The following SHC4 variants were observed in gnomAD, a reference collection of about 807,000 sequenced individuals.
SHC4 encodes SHC adaptor protein 4.
Under a neutral mutation model 69.4 loss-of-function variants are expected in SHC4, and 41 were observed. The ratio of observed to expected loss-of-function variants is 0.59; its 90% CI spans 0.46 to 0.77. The LOEUF (loss-of-function observed/expected upper bound fraction) is 0.77. Ranked by LOEUF, SHC4 falls within the 30% of genes least tolerant of loss-of-function variation. The pLI is 0.00. For synonymous variants in SHC4, 318 were observed against 299.3 expected (o/e 1.06, Z -0.64); for missense variants, 777 against 783.8 (o/e 0.99, Z 0.10).
intron 2 of SHC4, among the ~76,000 whole-genome samples, chr15:48,913,370 A>G (rs1328898587): frequency 2.6e-5 from 4 of 152,010 alleles, no homozygotes; most frequent in African/African-American, 9.7e-5. Context: ...TTGTCAGGGA[A>G]GTCAGGGAAA....
chr15:48,890,424 A>T (rs1248813885), intron 3 of SHC4, among the ~76,000 whole-genome samples: 1 of 152,208 alleles, frequency 6.6e-6, no homozygotes, highest in African/African-American at 2.4e-5. Context: ...CCCTAACTCC[A>T]CAGGAAATAA....
rs149872319 is a variant in SHC4, at chr15:48,929,170, G to A, written c.586-4221C>T. On this transcript the variant is annotated intron_variant, in intron 1 of 11. Coordinates refer to ENST00000332408, the MANE Select transcript of SHC4 (RefSeq NM_203349.4). ...ACCGTGGTGAGGAAGCGGGGAGGGG[G>A]CGGTGCATAAAAATACTCTGTCCAC... Among the ~76,000 whole-genome samples the A allele has an allele frequency of 8.3e-3, 1,266 of 152,284 alleles. 11 individuals are homozygous for A. The highest frequency in any genetic ancestry group is 0.015 in the Non-Finnish European group (1,009 of 68,024).
chr15:48,951,030 C>G (rs1046999782), intron 1 of SHC4, among the ~76,000 whole-genome samples: 2 of 152,114 alleles, frequency 1.3e-5, no homozygotes, highest in Admixed American at 1.3e-4. Context: ...CATTCCCTTC[C>G]TCCCCTTTCC....
intron 3 of SHC4, among the ~76,000 whole-genome samples, chr15:48,886,704 A>G (rs1237046065): frequency 1.3e-5 from 2 of 152,224 alleles, no homozygotes; most frequent in African/African-American, 4.8e-5. Context: ...GTATATGGAA[A>G]TGCATAGTAT....
chr15:48,890,963 AATGCT>A, intron 2 of SHC4, 152 bp from the exon 3 acceptor site: 1 of 818,102 alleles, frequency 1.2e-6, no homozygotes, highest in Non-Finnish European at 2.0e-6. Context: ...CACAGGAGGA[AATGCT>A]GTACTTACTC....
intron 11 of SHC4, among the ~76,000 whole-genome samples, chr15:48,827,745 G>C (rs1023668391): frequency 6.6e-6 from 1 of 152,190 alleles, no homozygotes; most frequent in Admixed American, 6.5e-5. Context: ...ATAGGGAGGG[G>C]AGGTTACGCA....
intron 10 of SHC4, among the ~76,000 whole-genome samples, chr15:48,839,639 C>T (rs1369135135): frequency 6.6e-6 from 1 of 152,182 alleles, no homozygotes; most frequent in African/African-American, 2.4e-5. Context: ...GCATTCCTCC[C>T]TTTTGTGAAT....
At position 48,826,075 on chromosome 15, in the gene SHC4, G is replaced by C; in HGVS notation, c.1789C>G (p.His597Asp). The C allele has an allele frequency of 6.2e-7, 1 of 1,613,748 alleles. No individual in the cohort carries two copies. Among genetic ancestry groups the C allele is most frequent in the Admixed American group, 1.7e-5 (1 of 59,976 alleles). Residue 597 changes from histidine to aspartate, a missense_variant, in exon 12 of 12, where the codon CAT becomes GAT. Physicochemically the swap from His to Asp is moderately conservative, Grantham distance 81 (BLOSUM62 -1). Coordinates refer to ENST00000332408, the MANE Select transcript of SHC4 (RefSeq NM_203349.4). ...ATGATTGGCAAACTGTTATCCATATGGTATCTGATAAGGTGGCCGACATTA... is the reference window on the plus strand; with the variant it reads ...ATGATTGGCAAACTGTTATCCATATCGTATCTGATAAGGTGGCCGACATTA... ...FDNVGHLIRY[H>D]MDNSLPIISS... is the part of the protein sequence containing the mutation.
rs1271981331 is a variant in SHC4, at chr15:48,857,804, A to C, written c.958T>G (p.Leu320Val). 1 of 1,548,010 alleles carries C rather than the reference A, an allele frequency of 6.5e-7. No homozygotes were observed. Reference sequence around the variant, plus strand: ...TGGGCCATTCCATTGTGGCATTCCAATATGTGACAGGCTGCAAGAGGACAT... The same window carrying C: ...TGGGCCATTCCATTGTGGCATTCCACTATGTGACAGGCTGCAAGAGGACAT... ...DPVNQRACHILECHNGMAQDV... is the reference protein window; with the variant it reads ...DPVNQRACHIVECHNGMAQDV... The change falls in exon 7 of 12, where the codon TTG becomes GTG. Residue 320 changes from leucine (L) to valine (V), a missense_variant. By Grantham distance (32) the Leu-to-Val change is conservative. Coordinates refer to ENST00000332408, the MANE Select transcript of SHC4 (RefSeq NM_203349.4).
At chr15:48,871,539 A>G (rs1191876714) in intron 5 of SHC4, among the ~76,000 whole-genome samples, 1 of 152,162 alleles carries the variant, frequency 6.6e-6, no homozygotes, top group Non-Finnish European at 1.5e-5. Flanking sequence ...ATCCTGTACA[A>G]TTTCTGGGAA....
chr15:48,860,894 T>G (rs978343842), intron 6 of SHC4, among the ~76,000 whole-genome samples: 1 of 152,218 alleles, frequency 6.6e-6, no homozygotes, highest in African/African-American at 2.4e-5. Flanking sequence ...AACCCTATTC[T>G]TCCTCTGTCA....
At chr15:48,909,341 C>T (rs1900466632) in intron 2 of SHC4, among the ~76,000 whole-genome samples, 1 of 149,250 alleles carries the variant, frequency 6.7e-6, no homozygotes, top group Non-Finnish European at 1.5e-5. Flanking sequence ...ATTTAATTCT[C>T]TGCTTGGTCA....
intron 1 of SHC4, among the ~76,000 whole-genome samples, chr15:48,937,534 A>G (rs965369498): frequency 6.6e-6 from 1 of 152,184 alleles, no homozygotes; most frequent in African/African-American, 2.4e-5. Flanking sequence ...GGGGAGACTC[A>G]TGCCTTGCAT....
At chr15:48,899,691 C>T (rs1206366498) in intron 2 of SHC4, among the ~76,000 whole-genome samples, 3 of 151,700 alleles carry the variant, frequency 2.0e-5, no homozygotes, top group Admixed American at 1.3e-4. Context: ...CTGGAAGGAA[C>T]GAACAACTGG....
chr15:48,943,927 G>T (rs1476757004), intron 1 of SHC4, among the ~76,000 whole-genome samples: 1 of 151,880 alleles, frequency 6.6e-6, no homozygotes, highest in African/African-American at 2.4e-5. Flanking sequence ...GCTGAGAAAT[G>T]GCAGTTTTTA....
chr15:48,919,295 A>ATTTTTTTTTTTTTTTTTTTTTT (rs386382928), intron 2 of SHC4, among the ~76,000 whole-genome samples: 1,020 of 71,208 alleles, frequency 0.014, 225 homozygotes, highest in Non-Finnish European at 0.018. Context: ...ATTTATTTTA[A>ATTTTTTTTTTTTTTTTTTTTTT]TTTTTTTTTT....
At chr15:48,916,623 C>T (rs1026125006) in intron 2 of SHC4, among the ~76,000 whole-genome samples, 2 of 151,728 alleles carry the variant, frequency 1.3e-5, no homozygotes, top group African/African-American at 2.4e-5. Flanking sequence ...ACAGATACAC[C>T]ACGAGGCACA....
rs764160614 is a variant in SHC4 at position 48,826,110 on chromosome 15, T to C, written c.1754A>G (p.His585Arg). 2.5e-6 allele frequency: 4 copies of C among 1,612,996 alleles called. No individual in the cohort carries two copies. The highest frequency in any genetic ancestry group is 1.7e-5 in the Admixed American group (1 of 59,736). ...AAGGTGGCCGACATTATCAAATACA[T>C]GATCCTTGGTCCTCACCTTGAAAAA... ...DPEGKVRTKD[H>R]VFDNVGHLIR... Residue 585 changes from histidine to arginine, a missense_variant, in exon 12 of 12, where the codon CAT becomes CGT. By Grantham distance (29) the His-to-Arg change is conservative. Transcript: ENST00000332408.
intron 1 of SHC4, among the ~76,000 whole-genome samples, chr15:48,940,461 CTG>C (rs1901154841): frequency 6.6e-6 from 1 of 152,180 alleles, no homozygotes; most frequent in Non-Finnish European, 1.5e-5. Context: ...TGGAGGAACT[CTG>C]TGTATTCACA....
Sources: gnomAD v4.1 joint callset for allele counts (sites outside exome capture counted in the v4.1 genomes callset) on GRCh38, gnomAD v4.1.1 for gene constraint, MANE v1.5 for transcripts, NCBI Gene and HGNC (gene_info 2026-07-23, HGNC 2026-07-21) for gene names.